The following BCHE variants were observed in gnomAD, a reference collection of about 807,000 sequenced individuals.
BCHE encodes cholinesterase.
In BCHE, 48 loss-of-function variants were observed where a neutral mutation model predicts 51.3. The ratio of observed to expected loss-of-function variants is 0.94; its 90% confidence interval spans 0.74 to 1.19. The LOEUF is 1.19. Ranked by LOEUF, BCHE falls within the 50% of genes most tolerant of loss-of-function variation. BCHE has a pLI of 0.00. For synonymous variants in BCHE, 251 were observed against 238.0 expected (o/e 1.05, Z -0.50); for missense variants, 847 against 708.2 (o/e 1.20, Z -2.23).
intron 2 of BCHE, among the ~76,000 whole-genome samples, chr3:165,805,953 G>T (rs1713849847): frequency 6.6e-6 from 1 of 151,836 alleles, no homozygotes; most frequent in Non-Finnish European, 1.5e-5. Flanking sequence ...CCATCCTCTG[G>T]CTTGTCTTTT....
At chr3:165,807,228 A>G (rs907545819) in intron 2 of BCHE, among the ~76,000 whole-genome samples, 2 of 151,994 alleles carry the variant, frequency 1.3e-5, no homozygotes, top group Non-Finnish European at 2.9e-5. Flanking sequence ...GAGGTAAATT[A>G]TAATTGAATT....
intron 3 of BCHE, among the ~76,000 whole-genome samples, chr3:165,781,922 A>C (rs530165320): frequency 6.6e-6 from 1 of 152,304 alleles, no homozygotes; most frequent in African/African-American, 2.4e-5. Context: ...ACACACACAG[A>C]AAATGTGAAT....
intron 2 of BCHE, among the ~76,000 whole-genome samples, chr3:165,811,394 T>C (rs1328703613): frequency 1.3e-5 from 2 of 151,232 alleles, no homozygotes; most frequent in Non-Finnish European, 2.9e-5. Context: ...CATGGATGGA[T>C]AACAAGTTGT....
intron 2 of BCHE, among the ~76,000 whole-genome samples, chr3:165,795,496 G>A (rs1429486769): frequency 6.6e-6 from 1 of 152,062 alleles, no homozygotes; most frequent in Non-Finnish European, 1.5e-5. Flanking sequence ...GAATGTAAGA[G>A]GATTATTTGC....
Position 165,829,791 on chromosome 3 carries a change from C to CA in BCHE, c.1242dup (p.Glu415Ter), listed in dbSNP as rs1245942719. The CA allele has an allele frequency of 6.2e-7, 1 of 1,613,840 alleles. No individual in the cohort carries two copies. The highest frequency in any genetic ancestry group is 2.2e-5 in the East Asian group (1 of 44,870). ...TCCCCAACAACATCACCCAAGGCCTCACGGTAGTTTTCAGGTCTCTGATCA... is the reference window on the plus strand; with the variant it reads ...TCCCCAACAACATCACCCAAGGCCTCAACGGTAGTTTTCAGGTCTCTGATCA... On this transcript the variant is annotated frameshift_variant, in exon 2 of 4. Coordinates refer to ENST00000264381, the MANE Select transcript of BCHE (RefSeq NM_000055.4). LOFTEE classifies it high-confidence loss of function.
intron 2 of BCHE, among the ~76,000 whole-genome samples, chr3:165,791,217 C>G (rs1020158764): frequency 6.6e-6 from 1 of 151,712 alleles, no homozygotes; most frequent in Non-Finnish European, 1.5e-5. Context: ...ATGGCTTGAA[C>G]CCGGGAGGTG....
At chr3:165,808,844 G>T (rs775923511) in intron 2 of BCHE, among the ~76,000 whole-genome samples, 2 of 151,962 alleles carry the variant, frequency 1.3e-5, no homozygotes, top group African/African-American at 2.4e-5. Context: ...ATCACATCTA[G>T]GTTGCTATAA....
rs770669263 is a variant in BCHE, at chr3:165,829,610, C to A, written c.1424G>T (p.Gly475Val). 5 of 1,613,748 alleles carry A rather than the reference C, an allele frequency of 3.1e-6. No individual in the cohort carries two copies. Among genetic ancestry groups the A allele is most frequent in the Non-Finnish European group, 4.2e-6 (5 of 1,179,834 alleles). ...ATTATCTCTTCTTTCCAGAGGTAAACCAAAGACAAATTCAATTTCATAGCC... is the reference window on the plus strand; with the variant it reads ...ATTATCTCTTCTTTCCAGAGGTAAAACAAAGACAAATTCAATTTCATAGCC... ...MHGYEIEFVFGLPLERRDNYT... is the reference protein window; with the variant it reads ...MHGYEIEFVFVLPLERRDNYT... The change falls in exon 2 of 4, where the codon GGT (glycine) becomes GTT (valine). Residue 475 changes from glycine (G) to valine (V), a missense_variant. Transcript: ENST00000264381.
rs763329644 is a variant in BCHE at position 165,829,646 on chromosome 3, C to CATAG, written c.1387_1388insCTAT (p.Gly463AlafsTer8). On this transcript the variant is annotated frameshift_variant, in exon 2 of 4. Transcript: ENST00000264381. LOFTEE classifies it high-confidence loss of function. Reference sequence around the variant, plus strand: ...TTCAATTTCATAGCCATGCATCACTCCCATCCATTCTGGCCACGGAAGTTT... The same window carrying CATAG: ...TTCAATTTCATAGCCATGCATCACTCATAGCCATCCATTCTGGCCACGGAAGTTT... 3 of 1,613,842 alleles carry CATAG rather than the reference C, an allele frequency of 1.9e-6. No individual in the cohort carries two copies. The highest frequency in any genetic ancestry group is 2.5e-6 in the Non-Finnish European group (3 of 1,179,872).
At chr3:165,806,333 T>C (rs1479017460) in intron 2 of BCHE, among the ~76,000 whole-genome samples, 1 of 152,178 alleles carries the variant, frequency 6.6e-6, no homozygotes, top group Non-Finnish European at 1.5e-5. Context: ...TTTATTTCTT[T>C]AAGAAAGGTT....
Position 165,830,391 on chromosome 3 carries a change from C to T in BCHE, c.643G>A (p.Gly215Arg), listed in dbSNP as rs373564630. ...WVQKNIAAFGGNPKSVTLFGE... is the reference protein window; with the variant it reads ...WVQKNIAAFGRNPKSVTLFGE... ...AAGAGAGTTACACTTTTAGGATTTCCACCAAAGGCTGCTATATTTTTTTGA... is the reference window on the plus strand; with the variant it reads ...AAGAGAGTTACACTTTTAGGATTTCTACCAAAGGCTGCTATATTTTTTTGA... The change falls in exon 2 of 4, where the codon GGA becomes AGA. Residue 215 changes from glycine (G) to arginine (R), a missense_variant. By Grantham distance (125) the Gly-to-Arg change is moderately radical. Transcript: ENST00000264381. 13 of 1,613,838 alleles carry T rather than the reference C, an allele frequency of 8.1e-6. No homozygotes were observed. The highest frequency in any genetic ancestry group is 1.1e-5 in the Non-Finnish European group (13 of 1,179,924).
In BCHE at chr3:165,829,879, A is replaced by C. The variant is rs2108234739; in HGVS notation, c.1155T>G (p.Phe385Leu). Reference sequence around the variant, plus strand: ...TTCCAAACTCACTCACTCCTGGAAAAAATATTTTTAAACCTTCCTGAAATT... The same window carrying C: ...TTCCAAACTCACTCACTCCTGGAAACAATATTTTTAAACCTTCCTGAAATT... ...RKEFQEGLKI[F>L]FPGVSEFGKE... Residue 385 changes from phenylalanine (F) to leucine (L), a missense_variant, in exon 2 of 4, where the codon TTT (phenylalanine) becomes TTG (leucine). Physicochemically the swap from Phe to Leu is conservative, Grantham distance 22 (BLOSUM62 0). Coordinates refer to ENST00000264381, the MANE Select transcript of BCHE (RefSeq NM_000055.4). 1.9e-6 allele frequency: 3 copies of C among 1,611,638 alleles called. No individual in the cohort carries two copies. The highest frequency in any genetic ancestry group is 2.5e-6 in the Non-Finnish European group (3 of 1,179,288).
At chr3:165,792,582 G>A (rs1467901335) in intron 2 of BCHE, among the ~76,000 whole-genome samples, 1 of 152,070 alleles carries the variant, frequency 6.6e-6, no homozygotes, top group Non-Finnish European at 1.5e-5. Flanking sequence ...GTGGAAGGTA[G>A]CAAACATATC....
intron 2 of BCHE, among the ~76,000 whole-genome samples, chr3:165,798,175 A>G (rs919251114): frequency 6.6e-6 from 1 of 152,140 alleles, no homozygotes; most frequent in African/African-American, 2.4e-5. Context: ...CCATTAGACT[A>G]ATTGTATTAG....
At chr3:165,817,783 C>G (rs1714367175) in intron 2 of BCHE, among the ~76,000 whole-genome samples, 1 of 151,916 alleles carries the variant, frequency 6.6e-6, no homozygotes, top group South Asian at 2.1e-4. Context: ...TTTGAAAGCT[C>G]ACATGCATCA....
intron 2 of BCHE, among the ~76,000 whole-genome samples, chr3:165,817,320 T>C (rs983348771): frequency 6.6e-6 from 1 of 152,058 alleles, no homozygotes; most frequent in Admixed American, 6.6e-5. Context: ...TTCTGTACAC[T>C]TCATGCTTGT....
intron 2 of BCHE, among the ~76,000 whole-genome samples, chr3:165,816,531 C>G (rs1012742908): frequency 2.0e-5 from 3 of 151,592 alleles, no homozygotes; most frequent in African/African-American, 7.3e-5. Context: ...GATTCCTCTC[C>G]TCTCATTCTC....
Position 165,829,693 on chromosome 3 carries a change from G to T in BCHE, c.1341C>A (p.Tyr447Ter). 6.2e-7 allele frequency: 1 copy of T among 1,613,812 alleles called. No individual in the cohort carries two copies. The highest frequency in any genetic ancestry group is 8.5e-7 in the Non-Finnish European group (1 of 1,179,904). The part of the protein sequence containing the change: ...FSEWGNNAFF[Y>*]YFEHRSSKLP... Reference sequence around the variant, plus strand: ...GTTTGGAGGATCGGTGTTCAAAATAGTAGAAAAAGGCATTATTTCCCCATT... The same window carrying T: ...GTTTGGAGGATCGGTGTTCAAAATATTAGAAAAAGGCATTATTTCCCCATT... Residue 447 changes from tyrosine to a stop codon, truncating the protein, a stop_gained, in exon 2 of 4, where the codon TAC (tyrosine) becomes TAA (stop). Transcript: ENST00000264381. LOFTEE classifies it high-confidence loss of function.
intron 2 of BCHE, among the ~76,000 whole-genome samples, chr3:165,798,587 T>C (rs958299401): frequency 6.6e-6 from 1 of 152,120 alleles, no homozygotes; most frequent in African/African-American, 2.4e-5. Context: ...AATTTTCAAA[T>C]CTCAAAGCCT....
Sources: allele counts gnomAD v4.1 joint callset (sites outside exome capture counted in the v4.1 genomes callset), GRCh38; gene constraint gnomAD v4.1.1; transcripts MANE v1.5; gene names NCBI Gene and HGNC (gene_info 2026-07-23, HGNC 2026-07-21).